ANKRD28: variants seen among roughly 807,000 people sequenced by gnomAD.
ANKRD28 encodes serine/threonine-protein phosphatase 6 regulatory ankyrin repeat subunit A.
Under a neutral mutation model 126.5 loss-of-function variants are expected in ANKRD28, and 44 were observed. The observed-to-expected ratio is 0.35, with a 90% CI of 0.27 to 0.45. The LOEUF (loss-of-function observed/expected upper bound fraction) is 0.45. ANKRD28 is among the 20% of genes least tolerant of loss of function. The probability of loss-of-function intolerance (pLI) is 1.00; values close to 1 mark genes in which losing one functional copy is unlikely to be tolerated. For missense variants in ANKRD28, 1,110 were observed against 1,316.6 expected, an observed-to-expected ratio of 0.84 and a Z score of 2.43; for synonymous variants, 442 against 468.5, an observed-to-expected ratio of 0.94 and a Z score of 0.73.
intron 21 of ANKRD28, among the ~76,000 whole-genome samples, chr3:15,680,349 G>A (rs948670327): frequency 4.6e-5 from 7 of 151,876 alleles, no homozygotes; most frequent in South Asian, 2.1e-4. Flanking sequence ...GACTACAGGC[G>A]CCCACCACCA....
intron 2 of ANKRD28, among the ~76,000 whole-genome samples, chr3:15,785,745 C>T (rs537756220): frequency 6.6e-6 from 1 of 152,006 alleles, no homozygotes; most frequent in Non-Finnish European, 1.5e-5. Flanking sequence ...CCAACAAAAA[C>T]TTGCACGTGG....
intron 14 of ANKRD28, among the ~76,000 whole-genome samples, chr3:15,706,699 C>A (rs2071480453): frequency 6.6e-6 from 1 of 152,146 alleles, no homozygotes; most frequent in Non-Finnish European, 1.5e-5. Context: ...AGTTTATAGT[C>A]CCACCAACAG....
Position 15,680,768 on chromosome 3 carries a change from TGATC to T in ANKRD28, c.2390-1209_2390-1206del, listed in dbSNP as rs1354443520. Among the ~76,000 whole-genome samples, 1,049 of 152,192 alleles carry T rather than the reference TGATC, an allele frequency of 6.9e-3. 13 individuals carry two copies. Among genetic ancestry groups the T allele is most frequent in the African/African-American group, 0.024 (1,003 of 41,516 alleles). ...GCAGTCTCAACCTCCTGGGCTCAAG[TGATC>T]CTCCCACCTCAGCCTCCTGAGTTGC... On this transcript the variant is annotated intron_variant, in intron 21 of 27. Transcript: ENST00000683139.
intron 7 of ANKRD28, 68 bp downstream of exon 7, chr3:15,724,314 T>C (rs1011324571): frequency 7.6e-7 from 1 of 1,323,056 alleles, no homozygotes; most frequent in South Asian, 1.5e-5. Context: ...CTGAAATAAC[T>C]TGTCAATAAT....
Position 15,723,411 on chromosome 3 carries a change from T to C in ANKRD28, c.783+971A>G, listed in dbSNP as rs561362418. 4.6e-5 allele frequency among the ~76,000 whole-genome samples: 7 copies of C among 152,370 alleles called. No homozygotes were observed. In the East Asian group the frequency reaches 1.3e-3, roughly 29 times the overall value. On this transcript the variant is annotated intron_variant, in intron 7 of 27. Transcript: ENST00000683139. The stretch of plus-strand genomic sequence containing the variant: ...CCTTATGCTACATCTTCTAATTTAC[T>C]GTTTTATTAAAGAACCAATGAGTTC...
At chr3:15,674,647 T>TGA (rs1485650644) in intron 27 of ANKRD28, among the ~76,000 whole-genome samples, 17 of 152,218 alleles carry the variant, frequency 1.1e-4, no homozygotes, top group Admixed American at 7.8e-4. Context: ...AAGGAACTGA[T>TGA]GAGAGCACTA....
chr3:15,714,611 T>C lies in ANKRD28; in HGVS notation c.1042A>G (p.Arg348Gly), dbSNP rs1381050284. The C allele has an allele frequency of 1.3e-6, 2 of 1,597,204 alleles. No homozygotes were observed. The change falls in exon 9 of 28, where the codon AGA becomes GGA. Residue 348 changes from arginine to glycine, a missense_variant. Arg to Gly is a moderately radical substitution (Grantham distance 125). Transcript: ENST00000683139. ...ATAATGGTTTGTGATCGGGAGAATC[T>C]ACCGTGGAGAGCAGTCATGTGTAGT... ...TPLHMTALHG[R>G]FSRSQTIIQS...
At position 15,690,614 on chromosome 3, in the gene ANKRD28, G is replaced by A. The variant is rs568169759; in HGVS notation, c.1762-394C>T. On this transcript the variant is annotated intron_variant, in intron 17 of 27. Coordinates refer to ENST00000683139, the MANE Select transcript of ANKRD28 (RefSeq NM_001349278.2). ...GGGTCTTGCTCTGTTGCCCCAGCTGGAGTCCAGTGGCGTGATCATAGCTCA... is the reference window on the plus strand; with the variant it reads ...GGGTCTTGCTCTGTTGCCCCAGCTGAAGTCCAGTGGCGTGATCATAGCTCA... 9.2e-5 allele frequency among the ~76,000 whole-genome samples: 14 copies of A among 152,192 alleles called. No individual in the cohort carries two copies. The South Asian group carries it at 2.5e-3, about 27-fold the overall frequency.
intron 1 of ANKRD28, among the ~76,000 whole-genome samples, chr3:15,841,587 A>G (rs7642876): frequency 0.47 from 71,227 of 152,052 alleles, 19,517 homozygotes; most frequent in Non-Finnish European, 0.6. Context: ...GTACAGAAAA[A>G]AAACCTAATA....
intron 8 of ANKRD28, among the ~76,000 whole-genome samples, 184 bp from the exon 9 acceptor site, chr3:15,714,840 T>C (rs1006837094): frequency 6.6e-6 from 1 of 152,144 alleles, no homozygotes; most frequent in African/African-American, 2.4e-5. Context: ...AGCACGTGTA[T>C]CATAAAACAC....
At chr3:15,857,232 T>C (rs1051974815) in intron 1 of ANKRD28, among the ~76,000 whole-genome samples, 9 of 152,204 alleles carry the variant, frequency 5.9e-5, no homozygotes, top group African/African-American at 2.2e-4. Flanking sequence ...CTCAGTAGTT[T>C]AGAGGAAAAC....
intron 2 of ANKRD28, among the ~76,000 whole-genome samples, chr3:15,768,983 T>G (rs1358058334): frequency 6.6e-6 from 1 of 152,192 alleles, no homozygotes; most frequent in African/African-American, 2.4e-5. Flanking sequence ...TGCAAAGATG[T>G]GTCCTAATTT....
chr3:15,672,702 G>T (rs1182285036), intron 27 of ANKRD28, among the ~76,000 whole-genome samples: 1 of 152,140 alleles, frequency 6.6e-6, no homozygotes, highest in Non-Finnish European at 1.5e-5. Flanking sequence ...GGATGAGAGC[G>T]GGAGTGGGGA....
intron 1 of ANKRD28, among the ~76,000 whole-genome samples, chr3:15,803,614 TAAAAAAA>T (rs145887818): frequency 1.6e-5 from 2 of 125,272 alleles, no homozygotes; most frequent in Non-Finnish European, 3.3e-5. Context: ...AGACTCCATT[TAAAAAAA>T]AAAAAAAAAA....
chr3:15,852,001 G>A (rs981626257), intron 1 of ANKRD28, among the ~76,000 whole-genome samples: 3 of 152,176 alleles, frequency 2.0e-5, no homozygotes, highest in Non-Finnish European at 2.9e-5. Context: ...CACACCAAGT[G>A]AAACAGGAAA....
At chr3:15,774,055 A>G (rs188847258) in intron 2 of ANKRD28, among the ~76,000 whole-genome samples, 215 of 152,318 alleles carry the variant, frequency 1.4e-3, no homozygotes, top group Non-Finnish European at 2.5e-3. Flanking sequence ...GTCAATGTAG[A>G]AATAATCTTT....
intron 3 of ANKRD28, among the ~76,000 whole-genome samples, chr3:15,757,787 G>A (rs1025586895): frequency 2.0e-5 from 3 of 152,110 alleles, no homozygotes; most frequent in East Asian, 1.9e-4. Flanking sequence ...ATGGCAGCCC[G>A]AAAGGACTAA....
At chr3:15,671,218 G>C (rs933291021) in intron 27 of ANKRD28, among the ~76,000 whole-genome samples, 1 of 151,860 alleles carries the variant, frequency 6.6e-6, no homozygotes, top group Non-Finnish European at 1.5e-5. Flanking sequence ...TTTTTTAAGC[G>C]GAAGACAACT....
chr3:15,707,383 TTTAC>T (rs2071600061), intron 14 of ANKRD28, among the ~76,000 whole-genome samples: 1 of 152,236 alleles, frequency 6.6e-6, no homozygotes, highest in South Asian at 2.1e-4. Context: ...TTGGCCAACA[TTTAC>T]TTATTCTGCC....
Sources: allele counts gnomAD v4.1 joint callset (sites outside exome capture counted in the v4.1 genomes callset), GRCh38; gene constraint gnomAD v4.1.1; transcripts MANE v1.5; gene names NCBI Gene and HGNC (gene_info 2026-07-23, HGNC 2026-07-21).